The following CBFA2T2 variants were observed in gnomAD, a reference collection of about 807,000 sequenced individuals.
CBFA2T2 encodes CBFA2/RUNX1 partner transcriptional co-repressor 2.
Under a neutral mutation model 62.2 loss-of-function variants are expected in CBFA2T2, and 11 were observed. The ratio of observed to expected loss-of-function variants is 0.18; its 90% CI spans 0.11 to 0.29. The LOEUF is 0.29. CBFA2T2 is among the 10% of genes least tolerant of loss of function. The probability of loss-of-function intolerance (pLI) is 1.00; values close to 1 mark genes in which losing one functional copy is unlikely to be tolerated. For missense variants in CBFA2T2, 592 were observed against 774.1 expected (o/e 0.76, Z 2.79); for synonymous variants, 295 against 287.5 (o/e 1.03, Z -0.27).
In CBFA2T2 at chr20:33,640,362, A is replaced by AGT; in HGVS notation, c.1319_1320insGT (p.Ile441Ter). On this transcript the variant is annotated frameshift_variant, in exon 10 of 11. Coordinates refer to ENST00000342704, the MANE Select transcript of CBFA2T2 (RefSeq NM_001032999.3). LOFTEE classifies it high-confidence loss of function. ...CTAGAAGAAGCTGTGAATAAGGTGAAAATTCAGGCCATGTCAGAAGTACAG... is the reference window on the plus strand; with the variant it reads ...CTAGAAGAAGCTGTGAATAAGGTGAAGTAATTCAGGCCATGTCAGAAGTACAG... 1 of 1,613,930 alleles carries AGT rather than the reference A, an allele frequency of 6.2e-7. No homozygotes were observed. Among genetic ancestry groups the AGT allele is most frequent in the Non-Finnish European group, 8.5e-7 (1 of 1,179,874 alleles).
chr20:33,507,878 C>T (rs1412617703), intron 1 of CBFA2T2, among the ~76,000 whole-genome samples: 1 of 152,024 alleles, frequency 6.6e-6, no homozygotes, highest in Non-Finnish European at 1.5e-5. Flanking sequence ...TAGATGTTGC[C>T]AGAATACCCT....
At chr20:33,536,489 C>T (rs1317135461) in intron 1 of CBFA2T2, among the ~76,000 whole-genome samples, 1 of 151,088 alleles carries the variant, frequency 6.6e-6, no homozygotes, top group African/African-American at 2.5e-5. Context: ...CCCCCACCTC[C>T]CTCCCGGACG....
At chr20:33,579,576 G>A (rs901853359) in intron 1 of CBFA2T2, among the ~76,000 whole-genome samples, 3 of 134,104 alleles carry the variant, frequency 2.2e-5, no homozygotes, top group African/African-American at 8.2e-5. Context: ...TTTTTTGTAT[G>A]GAGTGAGAGA....
chr20:33,520,103 C>T (rs2011690256), intron 1 of CBFA2T2, among the ~76,000 whole-genome samples: 1 of 152,112 alleles, frequency 6.6e-6, no homozygotes. Flanking sequence ...CGAGATCACG[C>T]CATTGCACTG....
chr20:33,540,944 T>C (rs2012395032), intron 1 of CBFA2T2, among the ~76,000 whole-genome samples: 1 of 152,052 alleles, frequency 6.6e-6, no homozygotes, highest in Non-Finnish European at 1.5e-5. Flanking sequence ...AACCCTAGAG[T>C]TGTGCAAGTA....
chr20:33,491,506 C>T (rs1173638119), intron 1 of CBFA2T2, among the ~76,000 whole-genome samples: 2 of 152,066 alleles, frequency 1.3e-5, no homozygotes, highest in Non-Finnish European at 2.9e-5. Context: ...TGTCCTTAAA[C>T]ACGTGAAAGG....
rs932779787 is a variant in CBFA2T2, at chr20:33,515,815, A to G, written c.34+25514A>G. Among the ~76,000 whole-genome samples, 1,484 of 151,524 alleles carry G rather than the reference A, an allele frequency of 9.8e-3. 17 individuals are homozygous for G. Among genetic ancestry groups the G allele is most frequent in the Non-Finnish European group, 0.015 (1,002 of 67,900 alleles). On this transcript the variant is annotated intron_variant, in intron 1 of 10. Coordinates refer to ENST00000342704, the MANE Select transcript of CBFA2T2 (RefSeq NM_001032999.3). The stretch of plus-strand genomic sequence containing the variant: ...AGACTCCATCTCAAAAAAAAAAAAA[A>G]AAAAAACGGGGCGGGGGGAATATCT...
intron 1 of CBFA2T2, among the ~76,000 whole-genome samples, chr20:33,576,834 G>A (rs979840022): frequency 3.9e-5 from 6 of 152,262 alleles, no homozygotes; most frequent in African/African-American, 1.4e-4. Flanking sequence ...AAGAATATGA[G>A]TTAAACCGTT....
At chr20:33,508,278 A>G (rs1358449284) in intron 1 of CBFA2T2, among the ~76,000 whole-genome samples, 1 of 152,034 alleles carries the variant, frequency 6.6e-6, no homozygotes. Flanking sequence ...TGTTTTTGGT[A>G]GAGATGGAGT....
chr20:33,513,816 G>GC (rs1555829620), intron 1 of CBFA2T2, among the ~76,000 whole-genome samples: 1 of 111,484 alleles, frequency 9.0e-6, no homozygotes, highest in Admixed American at 9.9e-5. Flanking sequence ...TCTGTCCCAG[G>GC]AAAAAAAAAA....
intron 1 of CBFA2T2, among the ~76,000 whole-genome samples, chr20:33,546,825 T>A (rs1275584360): frequency 6.7e-6 from 1 of 148,730 alleles, no homozygotes; most frequent in Non-Finnish European, 1.5e-5. Context: ...GAGTTTACCA[T>A]TTGTAGCAGC....
intron 1 of CBFA2T2, among the ~76,000 whole-genome samples, chr20:33,568,311 G>A (rs2013421625): frequency 6.6e-6 from 1 of 152,116 alleles, no homozygotes; most frequent in Non-Finnish European, 1.5e-5. Flanking sequence ...ACTTAAAATG[G>A]GAGTCTTGGA....
intron 1 of CBFA2T2, among the ~76,000 whole-genome samples, chr20:33,593,189 G>A (rs1320840140): frequency 6.6e-6 from 1 of 151,854 alleles, no homozygotes; most frequent in Non-Finnish European, 1.5e-5. Context: ...AAAATTAGCT[G>A]AGCTTGGTGG....
At chr20:33,509,093 G>T (rs1356259889) in intron 1 of CBFA2T2, among the ~76,000 whole-genome samples, 1 of 152,222 alleles carries the variant, frequency 6.6e-6, no homozygotes, top group African/African-American at 2.4e-5. Flanking sequence ...TTGGCTGGGT[G>T]TGGTGGCTCA....
At chr20:33,642,116 TTGTGTG>T (rs869240464) in intron 10 of CBFA2T2, among the ~76,000 whole-genome samples, 82 of 59,058 alleles carry the variant, frequency 1.4e-3, no homozygotes, top group East Asian at 4.2e-3. Flanking sequence ...TTTTTTTTTT[TTGTGTG>T]TGTGTGTGTG....
intron 1 of CBFA2T2, among the ~76,000 whole-genome samples, chr20:33,575,088 G>T (rs1458317724): frequency 6.6e-6 from 1 of 152,146 alleles, no homozygotes; most frequent in Non-Finnish European, 1.5e-5. Context: ...AAGTAAATTT[G>T]GGGATTGTTG....
intron 1 of CBFA2T2, among the ~76,000 whole-genome samples, chr20:33,554,099 G>A (rs2012819137): frequency 6.6e-6 from 1 of 151,990 alleles, no homozygotes; most frequent in Admixed American, 6.6e-5. Flanking sequence ...TTTGCAACCT[G>A]ATGCTTGAAA....
At chr20:33,557,131 C>T (rs957837012) in intron 1 of CBFA2T2, among the ~76,000 whole-genome samples, 1 of 148,650 alleles carries the variant, frequency 6.7e-6, no homozygotes, top group African/African-American at 2.5e-5. Flanking sequence ...TCTTCTGCCT[C>T]AGCCTCCCAA....
chr20:33,562,783 A>T (rs745909387), intron 1 of CBFA2T2: 18 of 589,906 alleles, frequency 3.1e-5, no homozygotes, highest in Non-Finnish European at 3.8e-5. Flanking sequence ...TTGGTATTTG[A>T]TACAAGAGTT....
Sources: gnomAD v4.1 joint callset for allele counts (sites outside exome capture counted in the v4.1 genomes callset) on GRCh38, gnomAD v4.1.1 for gene constraint, MANE v1.5 for transcripts, NCBI Gene and HGNC (gene_info 2026-07-23, HGNC 2026-07-21) for gene names.